Variants in BEND7 observed in about 807,000 individuals in gnomAD.
BEND7 encodes BEN domain-containing protein 7.
Under a neutral mutation model 50.9 loss-of-function variants are expected in BEND7, and 28 were observed. That is an observed-to-expected ratio of 0.55 (90% CI 0.41 to 0.75). The LOEUF is 0.75. Among genes scored for constraint, BEND7 ranks in the 30% least tolerant of loss-of-function variants. The pLI, the probability that BEND7 is intolerant of heterozygous loss-of-function variation, is 0.00. For missense variants in BEND7, 477 were observed against 491.3 expected, an observed-to-expected ratio of 0.97 and a Z score of 0.28; for synonymous variants, 170 against 183.9, an observed-to-expected ratio of 0.92 and a Z score of 0.61.
Position 13,482,693 on chromosome 10 carries a change from T to C in BEND7, c.838-1569A>G, listed in dbSNP as rs1021957365. ...ACTTCTGCTTCACTTTGCCATTCCA[T>C]GTTTGGTCTCTGAATGTTTGGTGAA... is the stretch of plus-strand genomic sequence containing the variant. On this transcript the variant is annotated intron_variant, in intron 5 of 8. Coordinates refer to ENST00000466271, the MANE Select transcript of BEND7 (RefSeq NM_001369863.1). 2.6e-5 allele frequency among the ~76,000 whole-genome samples: 4 copies of C among 152,330 alleles called. No homozygotes were observed. In the South Asian group the frequency reaches 6.2e-4, roughly 24 times the overall value.
chr10:13,465,812 T>C (rs557109442), intron 6 of BEND7, among the ~76,000 whole-genome samples: 15 of 152,286 alleles, frequency 9.8e-5, no homozygotes, highest in African/African-American at 3.6e-4. Flanking sequence ...GGTGGGACTC[T>C]GAGGCTTGAA....
At chr10:13,490,856 T>C (rs936547435) in intron 5 of BEND7, among the ~76,000 whole-genome samples, 1 of 152,090 alleles carries the variant, frequency 6.6e-6, no homozygotes, top group African/African-American at 2.4e-5. Context: ...CAGGTTGGAG[T>C]GCAGTGGTGT....
At chr10:13,472,705 T>G (rs1159202190) in intron 6 of BEND7, among the ~76,000 whole-genome samples, 1 of 151,454 alleles carries the variant, frequency 6.6e-6, no homozygotes, top group Non-Finnish European at 1.5e-5. Context: ...GCTCTTAGAC[T>G]CAGGGTTGAT....
chr10:13,445,847 G>C (rs11258389), intron 8 of BEND7: 40,014 of 152,106 alleles, frequency 0.26, 5,507 homozygotes, highest in African/African-American at 0.36. Context: ...AGTGCAGATG[G>C]CCAGGGTGGG....
In BEND7 at chr10:13,528,499, G is replaced by A; in HGVS notation, c.35C>T (p.Ser12Phe). 1.9e-6 allele frequency: 2 copies of A among 1,041,218 alleles called. No homozygotes were observed. The highest frequency in any genetic ancestry group is 1.0e-4 in the East Asian group (1 of 9,732). 64.5% of individuals were successfully genotyped at this position (1,041,218 alleles called of 1,614,324 possible). ...TCGGCTCACCAGTTTGAAGCTCTGGGATTTCCTGCTTCTTTTCCTCTCGGA... is the reference window on the plus strand; with the variant it reads ...TCGGCTCACCAGTTTGAAGCTCTGGAATTTCCTGCTTCTTTTCCTCTCGGA... ...EFSERKRSRKSQSFKLVSRDY... is the reference protein window; with the variant it reads ...EFSERKRSRKFQSFKLVSRDY... The change falls in exon 1 of 9, where the codon TCC (serine) becomes TTC (phenylalanine). Residue 12 changes from serine to phenylalanine, a missense_variant. By Grantham distance (155) the Ser-to-Phe change is radical. Transcript: ENST00000466271.
rs1291077891 is a variant in BEND7 at position 13,441,275 on chromosome 10, G to A, written c.*468C>T. The A allele has an allele frequency of 1.1e-6, 1 of 933,360 alleles. No individual in the cohort carries two copies. Among genetic ancestry groups the A allele is most frequent in the Non-Finnish European group, 1.3e-6 (1 of 782,620 alleles). The allele number at this position is 933,360 out of a possible 1,614,324, so 57.8% of individuals were successfully genotyped here. ...TAATAAAACATATATACAGAAGATT[G>A]AGACATTATCCATAGATATGGATTT... On this transcript the variant is annotated 3_prime_UTR_variant, in exon 9 of 9. Transcript: ENST00000466271.
In BEND7 at chr10:13,456,073, G is replaced by A. The variant is rs867859276; in HGVS notation, c.1064-3415C>T. ...GGCAGAAGAACAGGGATATAAGCCC[G>A]TGAAGATGCTGAAGGTGTGACCGGG... is the stretch of plus-strand genomic sequence containing the variant. On this transcript the variant is annotated intron_variant, in intron 6 of 8. Coordinates refer to ENST00000466271, the MANE Select transcript of BEND7 (RefSeq NM_001369863.1). Among the ~76,000 whole-genome samples, 12 of 152,156 alleles carry A rather than the reference G, an allele frequency of 7.9e-5. No homozygotes were observed. The South Asian group carries it at 1.2e-3, about 16-fold the overall frequency.
intron 6 of BEND7, among the ~76,000 whole-genome samples, chr10:13,478,744 A>T (rs1387198663): frequency 6.6e-6 from 1 of 151,862 alleles, no homozygotes; most frequent in African/African-American, 2.4e-5. Context: ...CTGCAAATAA[A>T]AACACTGCAA....
intron 6 of BEND7, among the ~76,000 whole-genome samples, chr10:13,475,056 T>G (rs577297765): frequency 7.9e-5 from 12 of 152,138 alleles, no homozygotes; most frequent in Non-Finnish European, 1.5e-4. Flanking sequence ...CACTAAAATA[T>G]GAGAACCATC....
At chr10:13,526,012 C>T (rs953358101) in intron 2 of BEND7, 126 bp downstream of exon 2, 1 of 388,584 alleles carries the variant, frequency 2.6e-6, no homozygotes, top group Non-Finnish European at 4.6e-6. Context: ...AATAAAAGGT[C>T]TTGAAAAGAA....
chr10:13,452,415 A>G, intron 7 of BEND7, 124 bp downstream of exon 7: 1 of 1,083,336 alleles, frequency 9.2e-7, no homozygotes, highest in South Asian at 2.0e-5. Flanking sequence ...AAATCAGCAT[A>G]TTATAAACAG....
At chr10:13,448,758 G>A (rs531041493) in intron 7 of BEND7, among the ~76,000 whole-genome samples, 27 of 152,172 alleles carry the variant, frequency 1.8e-4, no homozygotes, top group Admixed American at 3.9e-4. Flanking sequence ...GGTGGATCAC[G>A]AGGTCAGGAG....
chr10:13,448,886 A>C (rs890629321), intron 7 of BEND7, among the ~76,000 whole-genome samples: 11 of 151,776 alleles, frequency 7.2e-5, no homozygotes, highest in Non-Finnish European at 1.3e-4. Context: ...GAGGCAGGAG[A>C]ATGGTGTGAA....
At chr10:13,502,398 T>C (rs938364782) in intron 2 of BEND7, among the ~76,000 whole-genome samples, 10 of 152,116 alleles carry the variant, frequency 6.6e-5, no homozygotes, top group Admixed American at 1.3e-4. Flanking sequence ...AGAGGAGAAA[T>C]ATTCTAATTT....
chr10:13,442,650 C>T (rs1439739783), intron 8 of BEND7: 2 of 152,198 alleles, frequency 1.3e-5, no homozygotes, highest in African/African-American at 4.8e-5. Flanking sequence ...CCCTGTAGCA[C>T]TCCGTTAAGA....
chr10:13,455,537 A>T (rs1047849720), intron 6 of BEND7, among the ~76,000 whole-genome samples: 1 of 151,968 alleles, frequency 6.6e-6, no homozygotes, highest in Non-Finnish European at 1.5e-5. Context: ...AAGAGGGGAG[A>T]CAGGAGGGCT....
intron 7 of BEND7, among the ~76,000 whole-genome samples, chr10:13,447,520 C>T (rs370043112): frequency 2.8e-5 from 4 of 145,360 alleles, no homozygotes; most frequent in African/African-American, 1.0e-4. Context: ...ATAAAATCAA[C>T]TTTCCCGTAT....
intron 5 of BEND7, among the ~76,000 whole-genome samples, chr10:13,487,399 T>TG (rs2076305669): frequency 1.3e-5 from 2 of 150,552 alleles, no homozygotes; most frequent in Non-Finnish European, 3.0e-5. Flanking sequence ...TTTTTTTTTT[T>TG]TTTTTGAGAC....
chr10:13,473,839 G>T (rs1564303344), intron 6 of BEND7, among the ~76,000 whole-genome samples: 1 of 150,556 alleles, frequency 6.6e-6, no homozygotes, highest in African/African-American at 2.4e-5. Flanking sequence ...TGTTAGACTC[G>T]GGGTTGATAC....
Sources: allele counts gnomAD v4.1 joint callset (sites outside exome capture counted in the v4.1 genomes callset), GRCh38; gene constraint gnomAD v4.1.1; transcripts MANE v1.5; gene names NCBI Gene and HGNC (gene_info 2026-07-23, HGNC 2026-07-21).